SUGCT: variants seen among roughly 807,000 people sequenced by gnomAD.
SUGCT encodes the protein succinyl-CoA:glutarate-CoA transferase.
In SUGCT, 41 loss-of-function variants were observed where a neutral mutation model predicts 55.0. That is an observed-to-expected ratio of 0.74 (90% CI 0.58 to 0.97). The LOEUF (loss-of-function observed/expected upper bound fraction) is 0.97. SUGCT is among the 50% of genes least tolerant of loss of function. SUGCT has a pLI of 0.00. For missense variants in SUGCT, 568 were observed against 547.8 expected (o/e 1.04, Z -0.37); for synonymous variants, 187 against 200.4 (o/e 0.93, Z 0.56).
intron 6 of SUGCT, among the ~76,000 whole-genome samples, chr7:40,210,978 T>C (rs1235009678): frequency 6.6e-6 from 1 of 152,142 alleles, no homozygotes; most frequent in African/African-American, 2.4e-5. Context: ...TATTAATTCT[T>C]TGGAAAGAAA....
chr7:40,265,657 C>CCGATGT (rs1791520613), intron 7 of SUGCT, among the ~76,000 whole-genome samples: 1 of 146,538 alleles, frequency 6.8e-6, no homozygotes, highest in Non-Finnish European at 1.5e-5. Context: ...AGGAAACAAA[C>CCGATGT]AAAAAAAAAA....
chr7:40,380,608 C>T (rs1019306621), intron 9 of SUGCT, among the ~76,000 whole-genome samples: 7 of 152,030 alleles, frequency 4.6e-5, no homozygotes, highest in African/African-American at 1.4e-4. Flanking sequence ...TACTTCCATC[C>T]GAATTGGGGG....
chr7:40,397,272 A>T (rs920034299), intron 9 of SUGCT, among the ~76,000 whole-genome samples: 1 of 149,856 alleles, frequency 6.7e-6, no homozygotes, highest in African/African-American at 2.4e-5. Context: ...CCCTCTAGCC[A>T]CCTTTTACTG....
intron 9 of SUGCT, among the ~76,000 whole-genome samples, chr7:40,340,061 C>T (rs763685281): frequency 5.3e-5 from 8 of 152,084 alleles, no homozygotes; most frequent in Non-Finnish European, 1.2e-4. Context: ...TTCCTGGACC[C>T]TAGGTTAAGA....
intron 13 of SUGCT, among the ~76,000 whole-genome samples, chr7:40,788,218 TA>T (rs1237913085): frequency 6.6e-6 from 1 of 152,136 alleles, no homozygotes; most frequent in African/African-American, 2.4e-5. Flanking sequence ...CAGCTTGCCA[TA>T]ATGAGGCAGG....
chr7:40,870,141 C>T, the SUGCT span, among the ~76,000 whole-genome samples: 2 of 152,220 alleles, frequency 1.3e-5, no homozygotes, highest in East Asian at 3.9e-4. Context: ...AACAATAGAA[C>T]TTAATTCTCT....
chr7:40,324,261 A>ATATATATATATATATCTATATT (rs377215730), intron 9 of SUGCT, among the ~76,000 whole-genome samples: 1 of 99,980 alleles, frequency 1.0e-5, no homozygotes, highest in African/African-American at 4.0e-5. Context: ...AAATATATAT[A>ATATATATATATATATCTATATT]TATTTATTTT....
At chr7:40,322,018 C>T (rs1174572895) in intron 9 of SUGCT, among the ~76,000 whole-genome samples, 1 of 152,224 alleles carries the variant, frequency 6.6e-6, no homozygotes, top group East Asian at 1.9e-4. Context: ...TACTGTTCTC[C>T]ATAGAAGTTG....
intron 12 of SUGCT, among the ~76,000 whole-genome samples, chr7:40,580,941 G>T (rs1050515053): frequency 2.0e-5 from 3 of 152,132 alleles, no homozygotes; most frequent in Non-Finnish European, 4.4e-5. Flanking sequence ...TATGATGTTT[G>T]CAAAATGATG....
intron 7 of SUGCT, among the ~76,000 whole-genome samples, chr7:40,257,196 A>AATTTG (rs1790868927): frequency 6.6e-6 from 1 of 152,186 alleles, no homozygotes. Flanking sequence ...GGCATGTGCC[A>AATTTG]CCACACTTGG....
At position 40,565,993 on chromosome 7, in the gene SUGCT, GCACACACA is replaced by G. The variant is rs376444246; in HGVS notation, c.1089+69631_1089+69638del. Among the ~76,000 whole-genome samples the G allele has an allele frequency of 2.3e-3, 291 of 123,988 alleles. 1 individual carries two copies. Among genetic ancestry groups the G allele is most frequent in the Middle Eastern group, 4.0e-3 (1 of 250 alleles). 81.3% of individuals were successfully genotyped at this position (123,988 alleles called of 152,430 possible). On this transcript the variant is annotated intron_variant, in intron 12 of 13. Coordinates refer to ENST00000335693, the MANE Select transcript of SUGCT (RefSeq NM_001193313.2). The stretch of plus-strand genomic sequence containing the variant: ...CACACACACACACACACACACACAC[GCACACACA>G]CACACACACACACACACACACACGA...
At chr7:41,024,573 A>G in the SUGCT span, among the ~76,000 whole-genome samples, 2 of 152,038 alleles carry the variant, frequency 1.3e-5, no homozygotes, top group Non-Finnish European at 2.9e-5. Context: ...TGGCCAATAA[A>G]CATATGAAAA....
In SUGCT at chr7:40,250,858, A is replaced by T. The variant is rs758981804; in HGVS notation, c.576+13132A>T. On this transcript the variant is annotated intron_variant, in intron 7 of 13. Transcript: ENST00000335693. ...TTTTTTTTTTTTTTTTTTTTTTAAG[A>T]CGGGGTCTCACCCTTTTGCCCAGGC... 1.9e-3 allele frequency among the ~76,000 whole-genome samples: 237 copies of T among 123,514 alleles called. 5 individuals are homozygous for T. The highest frequency in any genetic ancestry group is 2.9e-4 in the Non-Finnish European group (18 of 62,460). The allele number at this position is 123,514 out of a possible 152,430, so 81.0% of individuals were successfully genotyped here. A position where few individuals can be genotyped will look rare whatever the true frequency, so the allele number is the denominator to read the frequency against.
chr7:40,285,354 T>G (rs1054585959), intron 8 of SUGCT, among the ~76,000 whole-genome samples: 1 of 152,172 alleles, frequency 6.6e-6, no homozygotes, highest in Non-Finnish European at 1.5e-5. Flanking sequence ...GAATCATATA[T>G]ATTGTCTACT....
chr7:40,860,686 CT>C lies in SUGCT; in HGVS notation c.*215del, dbSNP rs1339459331. On this transcript the variant is annotated 3_prime_UTR_variant, in exon 14 of 14. Coordinates refer to ENST00000335693, the MANE Select transcript of SUGCT (RefSeq NM_001193313.2). ...TATCCCACGTTTTGTTCCCTACCAT[CT>C]TTTTTTTCAGATGATGATTTCATTA... 26 of 404,874 alleles carry C rather than the reference CT, an allele frequency of 6.4e-5. No homozygotes were observed. Among genetic ancestry groups the C allele is most frequent in the Middle Eastern group, 6.6e-4 (1 of 1,524 alleles). 25.1% of individuals were successfully genotyped at this position (404,874 alleles called of 1,614,324 possible).
intron 12 of SUGCT, among the ~76,000 whole-genome samples, chr7:40,656,118 A>G (rs1325344671): frequency 3.9e-5 from 6 of 152,232 alleles, no homozygotes; most frequent in Admixed American, 1.3e-4. Flanking sequence ...AGAATGATCC[A>G]TATTTCCCAG....
chr7:40,644,458 G>A (rs186298179), intron 12 of SUGCT, among the ~76,000 whole-genome samples: 3 of 152,276 alleles, frequency 2.0e-5, no homozygotes, highest in African/African-American at 7.2e-5. Flanking sequence ...TTTCAGCTTT[G>A]ATTCACAACC....
intron 11 of SUGCT, among the ~76,000 whole-genome samples, chr7:40,464,482 G>T (rs575678244): frequency 6.6e-6 from 1 of 152,196 alleles, no homozygotes; most frequent in East Asian, 1.9e-4. Context: ...AAAGAAAAAA[G>T]TTCAAAGAAG....
intron 12 of SUGCT, among the ~76,000 whole-genome samples, chr7:40,585,224 G>A (rs1223531669): frequency 6.6e-6 from 1 of 152,132 alleles, no homozygotes; most frequent in African/African-American, 2.4e-5. Context: ...TAAGCATTGT[G>A]GTTTCAGACA....
Sources: allele counts gnomAD v4.1 joint callset (sites outside exome capture counted in the v4.1 genomes callset), GRCh38; gene constraint gnomAD v4.1.1; transcripts MANE v1.5; gene names NCBI Gene and HGNC (gene_info 2026-07-23, HGNC 2026-07-21).